The following ANKS1B variants were observed in gnomAD, a reference collection of about 807,000 sequenced individuals.
ANKS1B encodes ankyrin repeat and sterile alpha motif domain-containing protein 1B.
ANKS1B carries 36 observed loss-of-function variants against 148.3 expected under a neutral mutation model. The observed-to-expected ratio is 0.24, with a 90% CI of 0.19 to 0.32. The LOEUF (loss-of-function observed/expected upper bound fraction) is 0.32, where lower values mean the gene tolerates loss of function less well. Among genes scored for constraint, ANKS1B ranks in the 10% least tolerant of loss-of-function variants. The pLI, the probability that ANKS1B is intolerant of heterozygous loss-of-function variation, is 1.00. For missense variants in ANKS1B, 1,157 were observed against 1,542.6 expected, an observed-to-expected ratio of 0.75 and a Z score of 4.19; for synonymous variants, 542 against 560.8, an observed-to-expected ratio of 0.97 and a Z score of 0.47.
At chr12:99,477,986 A>G (rs1037991764) in intron 10 of ANKS1B, among the ~76,000 whole-genome samples, 1 of 152,216 alleles carries the variant, frequency 6.6e-6, no homozygotes, top group African/African-American at 2.4e-5. Flanking sequence ...ACCAGTAGAC[A>G]AAGAATAAAT....
intron 9 of ANKS1B, among the ~76,000 whole-genome samples, chr12:99,562,514 C>T (rs1028944450): frequency 1.8e-4 from 27 of 152,288 alleles, no homozygotes; most frequent in African/African-American, 6.3e-4. Flanking sequence ...CATGCTGCTA[C>T]AAAGAACTGC....
At chr12:99,333,472 T>C (rs2087993613) in intron 12 of ANKS1B, among the ~76,000 whole-genome samples, 1 of 152,110 alleles carries the variant, frequency 6.6e-6, no homozygotes, top group Admixed American at 6.6e-5. Flanking sequence ...CATCCTAATA[T>C]AGCATTTACT....
At chr12:98,934,050 T>G (rs1316332665) in intron 17 of ANKS1B, among the ~76,000 whole-genome samples, 2 of 152,174 alleles carry the variant, frequency 1.3e-5, no homozygotes, top group Non-Finnish European at 2.9e-5. Flanking sequence ...CCCTGTGCCT[T>G]TTGTGTCATA....
intron 1 of ANKS1B, among the ~76,000 whole-genome samples, chr12:99,930,498 C>T (rs931549296): frequency 6.6e-6 from 1 of 152,146 alleles, no homozygotes; most frequent in Admixed American, 6.5e-5. Flanking sequence ...ATTTCCTTCT[C>T]CTGCCTGATT....
chr12:99,707,747 A>G (rs891473155), intron 8 of ANKS1B, among the ~76,000 whole-genome samples: 3 of 152,094 alleles, frequency 2.0e-5, no homozygotes, highest in African/African-American at 7.2e-5. Context: ...ACAACCAGGT[A>G]GGCAGCAATA....
chr12:99,174,192 C>T (rs61016564), intron 14 of ANKS1B, among the ~76,000 whole-genome samples: 2 of 152,096 alleles, frequency 1.3e-5, no homozygotes, highest in South Asian at 4.2e-4. Context: ...AGAAAGGAGG[C>T]CCTCAGTCCA....
At chr12:99,539,397 G>A (rs987987200) in intron 9 of ANKS1B, among the ~76,000 whole-genome samples, 1 of 151,942 alleles carries the variant, frequency 6.6e-6, no homozygotes, top group African/African-American at 2.4e-5. Context: ...GTATATTATT[G>A]AAACAAACTG....
intron 21 of ANKS1B, 150 bp downstream of exon 21, chr12:98,800,847 T>C (rs1295478765): frequency 2.0e-6 from 2 of 979,792 alleles, no homozygotes; most frequent in East Asian, 2.7e-5. Context: ...GATAGAAGGC[T>C]ACTTTAAGAA....
At position 99,777,154 on chromosome 12, in the gene ANKS1B, T is replaced by A. The variant is rs78124805; in HGVS notation, c.848-1493A>T. Among the ~76,000 whole-genome samples, 549 of 152,362 alleles carry A rather than the reference T, an allele frequency of 3.6e-3. 22 individuals carry two copies. The South Asian group carries it at 0.053, about 15-fold the overall frequency. The stretch of plus-strand genomic sequence containing the variant: ...GATTAAATGAACAGATCCCTTTTCA[T>A]ACAGAGCATTTGCTTATACTTCTTT... On this transcript the variant is annotated intron_variant, in intron 6 of 26. Transcript: ENST00000683438.
chr12:99,916,678 G>A (rs1420294167), intron 1 of ANKS1B, among the ~76,000 whole-genome samples: 1 of 152,146 alleles, frequency 6.6e-6, no homozygotes, highest in Non-Finnish European at 1.5e-5. Flanking sequence ...TTGGCCAGGT[G>A]GAATAACAAT....
intron 12 of ANKS1B, among the ~76,000 whole-genome samples, chr12:99,379,027 T>C (rs2093524792): frequency 6.6e-6 from 1 of 152,198 alleles, no homozygotes; most frequent in Non-Finnish European, 1.5e-5. Context: ...ATGATGGATA[T>C]GTGGGAGGCA....
chr12:99,691,533 C>T (rs1262876107), intron 8 of ANKS1B, among the ~76,000 whole-genome samples: 1 of 152,186 alleles, frequency 6.6e-6, no homozygotes, highest in African/African-American at 2.4e-5. Flanking sequence ...GAGCAAAATG[C>T]TGCCAGTCTC....
intron 8 of ANKS1B, among the ~76,000 whole-genome samples, chr12:99,745,058 A>T (rs1459951588): frequency 6.6e-6 from 1 of 151,960 alleles, no homozygotes; most frequent in African/African-American, 2.4e-5. Context: ...ATCCTAACGA[A>T]AAAAACACAA....
At chr12:99,647,234 T>C (rs1413503466) in intron 9 of ANKS1B, among the ~76,000 whole-genome samples, 1 of 152,166 alleles carries the variant, frequency 6.6e-6, no homozygotes, top group African/African-American at 2.4e-5. Context: ...GTCAGGGATA[T>C]CTTTTCATGT....
At chr12:99,743,950 G>C (rs1397780257) in intron 8 of ANKS1B, among the ~76,000 whole-genome samples, 1 of 152,078 alleles carries the variant, frequency 6.6e-6, no homozygotes, top group Non-Finnish European at 1.5e-5. Flanking sequence ...ATCCTAATGA[G>C]AAAAATTAAT....
At chr12:99,348,794 G>A (rs902900760) in intron 12 of ANKS1B, among the ~76,000 whole-genome samples, 1 of 151,818 alleles carries the variant, frequency 6.6e-6, no homozygotes, top group African/African-American at 2.4e-5. Flanking sequence ...AATGTTAAAG[G>A]GAGTTCTTCA....
chr12:99,465,029 G>T (rs1212544241), intron 10 of ANKS1B, among the ~76,000 whole-genome samples: 3 of 152,188 alleles, frequency 2.0e-5, no homozygotes, highest in Admixed American at 6.5e-5. Flanking sequence ...AAAGTGTTAA[G>T]GGCAGCCAGA....
Position 99,599,419 on chromosome 12 carries a change from A to T in ANKS1B, c.1272+55648T>A, listed in dbSNP as rs181542903. Among the ~76,000 whole-genome samples, 67 of 152,184 alleles carry T rather than the reference A, an allele frequency of 4.4e-4. No homozygotes were observed. The East Asian group carries it at 0.012, about 27-fold the overall frequency. On this transcript the variant is annotated intron_variant, in intron 9 of 26. Transcript: ENST00000683438. ...ATGATGATGACTAGATTGGCTACAGACATGTTTAAATTGTATTCTGTAGGT... is the reference window on the plus strand; with the variant it reads ...ATGATGATGACTAGATTGGCTACAGTCATGTTTAAATTGTATTCTGTAGGT...
At chr12:99,020,553 T>C (rs1208417792) in intron 17 of ANKS1B, among the ~76,000 whole-genome samples, 2 of 152,166 alleles carry the variant, frequency 1.3e-5, no homozygotes, top group Non-Finnish European at 2.9e-5. Flanking sequence ...GAAACTGTAG[T>C]GTCAGTCTCA....
Sources: gnomAD v4.1 joint callset for allele counts (sites outside exome capture counted in the v4.1 genomes callset) on GRCh38, gnomAD v4.1.1 for gene constraint, MANE v1.5 for transcripts, NCBI Gene and HGNC (gene_info 2026-07-23, HGNC 2026-07-21) for gene names.